The following FGF14 variants were observed in gnomAD, a reference collection of about 807,000 sequenced individuals.
The protein encoded by FGF14 is fibroblast growth factor 14.
Under a neutral mutation model 25.5 loss-of-function variants are expected in FGF14, and 5 were observed. The ratio of observed to expected loss-of-function variants is 0.20; its 90% CI spans 0.10 to 0.41. FGF14 has a LOEUF of 0.41. Ranked by LOEUF, FGF14 falls within the 10% of genes least tolerant of loss-of-function variation. The pLI, the probability that FGF14 is intolerant of heterozygous loss-of-function variation, is 1.00. For missense variants in FGF14, 222 were observed against 320.1 expected (o/e 0.69, Z 2.34); for synonymous variants, 138 against 118.3 (o/e 1.17, Z -1.08).
chr13:101,894,437 C>G (rs1259950650), intron 1 of FGF14, among the ~76,000 whole-genome samples: 4 of 152,098 alleles, frequency 2.6e-5, no homozygotes, highest in Non-Finnish European at 1.5e-5. Flanking sequence ...CCAATGAACT[C>G]CCCCAGTCAG....
intron 1 of FGF14, among the ~76,000 whole-genome samples, chr13:102,035,907 A>G (rs938240569): frequency 6.6e-6 from 1 of 152,180 alleles, no homozygotes. Flanking sequence ...TGTGGAGCAC[A>G]TAAAGGGGAC....
At chr13:101,958,335 G>T (rs892835828) in intron 1 of FGF14, among the ~76,000 whole-genome samples, 1 of 152,244 alleles carries the variant, frequency 6.6e-6, no homozygotes, top group Admixed American at 6.5e-5. Context: ...AAGATGTTAA[G>T]CATGTAGGAG....
chr13:102,194,257 T>C (rs1202279344), intron 1 of FGF14, among the ~76,000 whole-genome samples: 1 of 152,128 alleles, frequency 6.6e-6, no homozygotes, highest in East Asian at 1.9e-4. Flanking sequence ...GTATTGTAAA[T>C]GCTTTATTTT....
intron 1 of FGF14, among the ~76,000 whole-genome samples, chr13:102,286,986 G>C (rs983042945): frequency 6.6e-6 from 1 of 151,974 alleles, no homozygotes; most frequent in African/African-American, 2.4e-5. Context: ...TCATGGGGGA[G>C]GGGGAGGGGG....
At chr13:102,394,428 A>C (rs1028843094) in intron 1 of FGF14, 3 of 152,348 alleles carry the variant, frequency 2.0e-5, no homozygotes, top group African/African-American at 7.2e-5. Flanking sequence ...GGAAGAGCGA[A>C]GATCTCTGCC....
chr13:102,172,336 C>T (rs1305271091), intron 1 of FGF14, among the ~76,000 whole-genome samples: 1 of 151,996 alleles, frequency 6.6e-6, no homozygotes, highest in African/African-American at 2.4e-5. Flanking sequence ...CCAATGATGA[C>T]AAACCCTTAG....
chr13:102,334,497 C>T (rs986516475), intron 1 of FGF14, among the ~76,000 whole-genome samples: 1 of 152,118 alleles, frequency 6.6e-6, no homozygotes, highest in Non-Finnish European at 1.5e-5. Flanking sequence ...TCTTCAGAAA[C>T]AGCAGTGTCA....
rs531071629 is a variant in FGF14, at chr13:102,212,764, A to G, written c.208+188707T>C. On this transcript the variant is annotated intron_variant, in intron 1 of 4. Transcript: ENST00000376131. ...CTCTTCAAAATTTACAGATATCCTG[A>G]CATTACAGCCATCTCAACACATATT... 9.2e-5 allele frequency among the ~76,000 whole-genome samples: 14 copies of G among 152,350 alleles called. No individual in the cohort carries two copies. The East Asian group carries it at 2.1e-3, about 23-fold the overall frequency.
chr13:101,956,699 T>G (rs1244611083), intron 1 of FGF14, among the ~76,000 whole-genome samples: 6 of 150,320 alleles, frequency 4.0e-5, no homozygotes, highest in Admixed American at 3.4e-4. Context: ...AGGTTTGATT[T>G]GCAAAAGGAG....
intron 3 of FGF14, among the ~76,000 whole-genome samples, chr13:101,842,430 C>T (rs1319463291): frequency 6.6e-6 from 1 of 152,004 alleles, no homozygotes; most frequent in Non-Finnish European, 1.5e-5. Context: ...AGATCCTCTT[C>T]AACACAGAAG....
At chr13:102,266,929 A>G (rs2053018132) in intron 1 of FGF14, among the ~76,000 whole-genome samples, 1 of 152,152 alleles carries the variant, frequency 6.6e-6, no homozygotes, top group Non-Finnish European at 1.5e-5. Flanking sequence ...AAAAGTAACC[A>G]AATGGTCAAA....
At chr13:102,015,816 G>C (rs1050898023) in intron 1 of FGF14, among the ~76,000 whole-genome samples, 1 of 152,070 alleles carries the variant, frequency 6.6e-6, no homozygotes, top group Admixed American at 6.5e-5. Flanking sequence ...TCGACTTAAA[G>C]ACACAATATG....
chr13:102,140,664 T>C (rs557356476), intron 1 of FGF14, among the ~76,000 whole-genome samples: 1 of 152,230 alleles, frequency 6.6e-6, no homozygotes, highest in African/African-American at 2.4e-5. Flanking sequence ...TAGCAGAACC[T>C]GAACTTAATA....
chr13:101,977,197 A>G (rs1038794621), intron 1 of FGF14, among the ~76,000 whole-genome samples: 9 of 130,500 alleles, frequency 6.9e-5, no homozygotes, highest in Non-Finnish European at 1.2e-4. Flanking sequence ...CATGCCCAGG[A>G]CCCAGGCACT....
chr13:101,898,740 A>G (rs2031097456), intron 1 of FGF14, among the ~76,000 whole-genome samples: 1 of 152,182 alleles, frequency 6.6e-6, no homozygotes, highest in Non-Finnish European at 1.5e-5. Context: ...CAAGCATAAG[A>G]CCAACACTCC....
At chr13:101,830,588 C>T (rs1423294431) in intron 3 of FGF14, among the ~76,000 whole-genome samples, 1 of 152,018 alleles carries the variant, frequency 6.6e-6, no homozygotes, top group Admixed American at 6.6e-5. Context: ...ACCTTCTAGC[C>T]CTTTGATCCT....
chr13:101,988,434 T>C (rs574431629), intron 1 of FGF14, among the ~76,000 whole-genome samples: 62 of 152,080 alleles, frequency 4.1e-4, no homozygotes, highest in South Asian at 8.3e-4. Context: ...CTATTCACAA[T>C]AGCAAACACT....
intron 1 of FGF14, among the ~76,000 whole-genome samples, chr13:102,156,533 G>A (rs186638763): frequency 6.6e-6 from 1 of 152,142 alleles, no homozygotes; most frequent in Non-Finnish European, 1.5e-5. Context: ...AGCTATTTAT[G>A]ACAAACCCAC....
intron 1 of FGF14, among the ~76,000 whole-genome samples, chr13:102,014,366 C>T (rs1272785027): frequency 6.6e-6 from 1 of 152,014 alleles, no homozygotes; most frequent in African/African-American, 2.4e-5. Flanking sequence ...AGTATAATTT[C>T]ACATATGTAT....
Sources: allele counts gnomAD v4.1 joint callset (sites outside exome capture counted in the v4.1 genomes callset), GRCh38; gene constraint gnomAD v4.1.1; transcripts MANE v1.5; gene names NCBI Gene and HGNC (gene_info 2026-07-23, HGNC 2026-07-21).